The following MSRA variants were observed in gnomAD, a reference collection of about 807,000 sequenced individuals.
MSRA encodes methionine sulfoxide reductase A.
In MSRA, 54 loss-of-function variants were observed where a neutral mutation model predicts 31.3. That is an observed-to-expected ratio of 1.73 (90% CI 1.39 to 2.17). The LOEUF is 2.17. Ranked by LOEUF, MSRA falls within the 30% of genes most tolerant of loss-of-function variation. The pLI is 0.00. For synonymous variants in MSRA, 169 were observed against 116.5 expected, an observed-to-expected ratio of 1.45 and a Z score of -2.90; for missense variants, 507 against 300.9, an observed-to-expected ratio of 1.69 and a Z score of -5.07.
At chr8:10,224,182 CT>C (rs986900051) in intron 2 of MSRA, among the ~76,000 whole-genome samples, 2 of 152,186 alleles carry the variant, frequency 1.3e-5, no homozygotes, top group African/African-American at 4.8e-5. Flanking sequence ...CAAACCAGTT[CT>C]TTTTGTGGTT....
At chr8:10,265,618 C>G (rs141995270) in intron 3 of MSRA, among the ~76,000 whole-genome samples, 3 of 152,132 alleles carry the variant, frequency 2.0e-5, no homozygotes, top group African/African-American at 7.2e-5. Flanking sequence ...TGTAAGTGAT[C>G]TATATTAAAG....
At chr8:10,348,382 T>TTTTCC (rs869232299) in intron 5 of MSRA, among the ~76,000 whole-genome samples, 1 of 122,952 alleles carries the variant, frequency 8.1e-6, no homozygotes, top group Non-Finnish European at 1.8e-5. Flanking sequence ...TTTTTTTTTT[T>TTTTCC]GGACAGAGTC....
chr8:10,095,243 C>T (rs1462078060), intron 1 of MSRA, among the ~76,000 whole-genome samples: 5 of 152,140 alleles, frequency 3.3e-5, no homozygotes, highest in African/African-American at 4.8e-5. Context: ...GTGCATATGT[C>T]GCATATGGAC....
At chr8:10,176,752 A>C (rs1049414590) in intron 1 of MSRA, among the ~76,000 whole-genome samples, 1 of 152,210 alleles carries the variant, frequency 6.6e-6, no homozygotes, top group Non-Finnish European at 1.5e-5. Flanking sequence ...AGGTCAATCA[A>C]TGCTGGAATG....
chr8:10,181,515 A>C (rs925981323), intron 1 of MSRA, among the ~76,000 whole-genome samples: 3 of 152,074 alleles, frequency 2.0e-5, no homozygotes, highest in African/African-American at 7.2e-5. Flanking sequence ...GGGGCCCTGT[A>C]GGCCAAAGTG....
At chr8:10,144,782 G>C (rs1363778704) in intron 1 of MSRA, among the ~76,000 whole-genome samples, 1 of 152,014 alleles carries the variant, frequency 6.6e-6, no homozygotes, top group South Asian at 2.1e-4. Flanking sequence ...GACAATTGCG[G>C]CTCACAGCTG....
chr8:10,377,328 G>A (rs1333833304), intron 5 of MSRA, among the ~76,000 whole-genome samples: 1 of 152,254 alleles, frequency 6.6e-6, no homozygotes, highest in Admixed American at 6.5e-5. Context: ...CAGCATCTAC[G>A]TGGGACTTCT....
chr8:10,269,970 T>C (rs1034405422), intron 3 of MSRA, among the ~76,000 whole-genome samples: 1 of 152,238 alleles, frequency 6.6e-6, no homozygotes, highest in Non-Finnish European at 1.5e-5. Flanking sequence ...TTACTCTCTC[T>C]GTGACCGTGG....
chr8:10,303,022 G>C (rs769977401), intron 4 of MSRA, among the ~76,000 whole-genome samples: 1 of 152,192 alleles, frequency 6.6e-6, no homozygotes, highest in Non-Finnish European at 1.5e-5. Flanking sequence ...ACAGCCAGTC[G>C]CTCCTTCTGG....
In MSRA at chr8:10,227,374, G is replaced by A. The variant is rs143625667; in HGVS notation, c.212-17730G>A. On this transcript the variant is annotated intron_variant, in intron 2 of 5. Coordinates refer to ENST00000317173, the MANE Select transcript of MSRA (RefSeq NM_012331.5). ...TAGCTTTCAAGCTCTCATTAGATCT[G>A]TGAAGGGGAATGGGCTACTTCAAGA... Among the ~76,000 whole-genome samples the A allele has an allele frequency of 2.0e-5, 3 of 152,300 alleles. No homozygotes were observed. In the East Asian group the frequency reaches 5.8e-4, roughly 29 times the overall value.
chr8:10,402,019 T>C (rs1425598301), intron 5 of MSRA, among the ~76,000 whole-genome samples: 1 of 152,216 alleles, frequency 6.6e-6, no homozygotes, highest in African/African-American at 2.4e-5. Flanking sequence ...CATTTAATTG[T>C]ATACTTACAA....
chr8:10,253,797 C>G (rs1798037079), intron 3 of MSRA, among the ~76,000 whole-genome samples: 1 of 151,942 alleles, frequency 6.6e-6, no homozygotes, highest in Non-Finnish European at 1.5e-5. Context: ...TATGCTGGGT[C>G]TTAATTACTT....
chr8:10,223,254 T>C (rs895783075), intron 2 of MSRA, among the ~76,000 whole-genome samples: 3 of 152,184 alleles, frequency 2.0e-5, no homozygotes, highest in African/African-American at 7.2e-5. Context: ...AAAGTGTGCA[T>C]TGGATCTCAT....
chr8:10,239,701 G>C, intron 2 of MSRA, among the ~76,000 whole-genome samples: 1 of 152,212 alleles, frequency 6.6e-6, no homozygotes, highest in East Asian at 1.9e-4. Flanking sequence ...CTGTTTTGGG[G>C]ACTAGGACCT....
chr8:10,406,895 C>T (rs987623049), intron 5 of MSRA, among the ~76,000 whole-genome samples: 2 of 152,184 alleles, frequency 1.3e-5, no homozygotes, highest in African/African-American at 4.8e-5. Context: ...CTCTCTCAAC[C>T]AGGCTAGAGT....
intron 3 of MSRA, among the ~76,000 whole-genome samples, chr8:10,253,132 C>G (rs959339338): frequency 6.6e-6 from 1 of 152,204 alleles, no homozygotes; most frequent in Non-Finnish European, 1.5e-5. Flanking sequence ...TAGGGCCCCA[C>G]AATCCTGCTG....
At chr8:10,420,899 A>AG (rs1808772720) in intron 5 of MSRA, among the ~76,000 whole-genome samples, 1 of 151,256 alleles carries the variant, frequency 6.6e-6, no homozygotes, top group Admixed American at 6.6e-5. Context: ...ACTTAAAAAA[A>AG]AAAAGGAGAA....
At chr8:10,136,314 G>A (rs763777363) in intron 1 of MSRA, among the ~76,000 whole-genome samples, 1 of 152,158 alleles carries the variant, frequency 6.6e-6, no homozygotes, top group African/African-American at 2.4e-5. Flanking sequence ...CTTCTGGGGA[G>A]AAAGGGTTTG....
chr8:10,134,352 G>C (rs896351151), intron 1 of MSRA, among the ~76,000 whole-genome samples: 2 of 152,184 alleles, frequency 1.3e-5, no homozygotes, highest in African/African-American at 2.4e-5. Context: ...CACAACACTT[G>C]ACATTCTCAG....
Sources: gnomAD v4.1 joint callset for allele counts (sites outside exome capture counted in the v4.1 genomes callset) on GRCh38, gnomAD v4.1.1 for gene constraint, MANE v1.5 for transcripts, NCBI Gene and HGNC (gene_info 2026-07-23, HGNC 2026-07-21) for gene names.